Variants in LZTS1 observed in about 807,000 individuals in gnomAD.
The protein encoded by LZTS1 is leucine zipper tumor suppressor 1.
LZTS1 carries 31 observed loss-of-function variants against 45.8 expected under a neutral mutation model. The ratio of observed to expected loss-of-function variants is 0.68; its 90% confidence interval spans 0.51 to 0.91. The LOEUF is 0.91. Among genes scored for constraint, LZTS1 ranks in the 40% least tolerant of loss-of-function variants. LZTS1 has a pLI of 0.00. For synonymous variants in LZTS1, 359 were observed against 357.3 expected, an observed-to-expected ratio of 1.00 and a Z score of -0.05; for missense variants, 821 against 788.9, an observed-to-expected ratio of 1.04 and a Z score of -0.49.
In LZTS1 at chr8:20,267,761, C is replaced by T. The variant is rs181359137; in HGVS notation, c.-134-12446G>A. Among the ~76,000 whole-genome samples the T allele has an allele frequency of 1.0e-3, 158 of 152,232 alleles. 2 individuals carry two copies. The highest frequency in any genetic ancestry group is 3.4e-3 in the African/African-American group (143 of 41,538). On this transcript the variant is annotated intron_variant, in intron 1 of 3. Coordinates refer to ENST00000381569, the MANE Select transcript of LZTS1 (RefSeq NM_021020.5). ...CGATCTCTTGACCTCATGATCCACCCGACTCGGACTCCCAAAGTGCTGGGA... is the reference window on the plus strand; with the variant it reads ...CGATCTCTTGACCTCATGATCCACCTGACTCGGACTCCCAAAGTGCTGGGA...
rs1156439370 is a variant in LZTS1 at position 20,251,112 on chromosome 8, TATATATATATATATA to T, written c.1150-764_1150-750del. Among the ~76,000 whole-genome samples the T allele has an allele frequency of 1.7e-3, 150 of 88,730 alleles. 6 individuals are homozygous for T. The South Asian group carries it at 0.027, about 16-fold the overall frequency. The allele number at this position is 88,730 out of a possible 152,430, so 58.2% of individuals were successfully genotyped here. A position where few individuals can be genotyped will look rare whatever the true frequency, so the allele number is the denominator to read the frequency against. On this transcript the variant is annotated intron_variant, in intron 3 of 3. Coordinates refer to ENST00000381569, the MANE Select transcript of LZTS1 (RefSeq NM_021020.5). ...GCCTGAGGGCTAATATATATATATA[TATATATATATATATA>T]TATATATATATATATATATATAAAA...
intron 1 of LZTS1, among the ~76,000 whole-genome samples, chr8:20,278,413 G>A (rs1376955152): frequency 2.0e-5 from 3 of 152,190 alleles, no homozygotes; most frequent in Non-Finnish European, 2.9e-5. Context: ...CACCCAAAGG[G>A]AAGAATCAGG....
intron 1 of LZTS1, among the ~76,000 whole-genome samples, chr8:20,270,752 C>T (rs1177073604): frequency 2.0e-5 from 3 of 151,912 alleles, no homozygotes; most frequent in African/African-American, 7.3e-5. Context: ...TTACCCCTCA[C>T]CCCTACTTCA....
Position 20,249,586 on chromosome 8 carries a change from C to T in LZTS1, c.*136G>A. 2 of 1,106,476 alleles carry T rather than the reference C, an allele frequency of 1.8e-6. No homozygotes were observed. The highest frequency in any genetic ancestry group is 2.5e-6 in the Non-Finnish European group (2 of 792,820). The allele number at this position is 1,106,476 out of a possible 1,614,324, so 68.5% of individuals were successfully genotyped here. A position where few individuals can be genotyped will look rare whatever the true frequency, so the allele number is the denominator to read the frequency against. Reference sequence around the variant, plus strand: ...AGGGAAGGAAAGGCCATCCTGCCCTCCCCTCGGGGGTCCTGGGTCTGTGTC... The same window carrying T: ...AGGGAAGGAAAGGCCATCCTGCCCTTCCCTCGGGGGTCCTGGGTCTGTGTC... On this transcript the variant is annotated 3_prime_UTR_variant, in exon 4 of 4. Coordinates refer to ENST00000381569, the MANE Select transcript of LZTS1 (RefSeq NM_021020.5).
intron 1 of LZTS1, among the ~76,000 whole-genome samples, chr8:20,280,021 A>T (rs57954503): frequency 0.041 from 6,140 of 151,506 alleles, 420 homozygotes; most frequent in African/African-American, 0.14. Flanking sequence ...TCTTTTCCTG[A>T]TTTCACTTCC....
intron 1 of LZTS1, among the ~76,000 whole-genome samples, chr8:20,299,902 T>C (rs766915328): frequency 2.0e-5 from 3 of 152,226 alleles, no homozygotes; most frequent in Non-Finnish European, 4.4e-5. Flanking sequence ...CCCCACGTAG[T>C]TGGATACTTC....
At chr8:20,274,184 G>A (rs1800529300) in intron 1 of LZTS1, among the ~76,000 whole-genome samples, 1 of 152,180 alleles carries the variant, frequency 6.6e-6, no homozygotes, top group African/African-American at 2.4e-5. Context: ...TGGCAAGACT[G>A]TTTTTCACCC....
chr8:20,291,968 G>A (rs1241430978), intron 1 of LZTS1, among the ~76,000 whole-genome samples: 2 of 152,218 alleles, frequency 1.3e-5, no homozygotes, highest in Admixed American at 6.5e-5. Context: ...AGCCAGGTGA[G>A]GGTGAGTTCC....
chr8:20,288,985 T>TA (rs1800847310), intron 1 of LZTS1, among the ~76,000 whole-genome samples: 2 of 103,782 alleles, frequency 1.9e-5, no homozygotes, highest in Non-Finnish European at 3.7e-5. Flanking sequence ...AAATAGCAGC[T>TA]GGTTTTTTTT....
chr8:20,300,981 C>T (rs911463588), intron 1 of LZTS1, among the ~76,000 whole-genome samples: 4 of 151,926 alleles, frequency 2.6e-5, no homozygotes, highest in Admixed American at 1.3e-4. Flanking sequence ...ATTAGCCAGG[C>T]GTGGTGGCAG....
intron 3 of LZTS1, among the ~76,000 whole-genome samples, chr8:20,252,518 G>A (rs534827764): frequency 5.3e-4 from 80 of 152,316 alleles, no homozygotes; most frequent in African/African-American, 1.8e-3. Context: ...TCTGGCTTCC[G>A]GCTTCATGAT....
At chr8:20,299,183 T>C (rs1801029813) in intron 1 of LZTS1, among the ~76,000 whole-genome samples, 1 of 152,128 alleles carries the variant, frequency 6.6e-6, no homozygotes, top group African/African-American at 2.4e-5. Flanking sequence ...CTGGCTAAGG[T>C]TCTTGGAAGA....
intron 1 of LZTS1, among the ~76,000 whole-genome samples, chr8:20,263,484 T>G (rs927585532): frequency 2.0e-5 from 3 of 152,134 alleles, no homozygotes; most frequent in Admixed American, 2.0e-4. Context: ...TTAAAAACAT[T>G]CATACATCCT....
At chr8:20,297,164 G>A (rs983287500) in intron 1 of LZTS1, among the ~76,000 whole-genome samples, 13 of 152,256 alleles carry the variant, frequency 8.5e-5, no homozygotes, top group East Asian at 1.9e-4. Context: ...AGTTCAGAAC[G>A]TACTTGCTCA....
intron 1 of LZTS1, among the ~76,000 whole-genome samples, chr8:20,280,151 C>G (rs547342953): frequency 1.3e-5 from 2 of 152,090 alleles, no homozygotes; most frequent in African/African-American, 4.8e-5. Flanking sequence ...CACCCCAACC[C>G]CAGATGAGGC....
rs183027079 is a variant in LZTS1 at position 20,266,914 on chromosome 8, C to A, written c.-134-11599G>T. Among the ~76,000 whole-genome samples, 773 of 152,028 alleles carry A rather than the reference C, an allele frequency of 5.1e-3. 8 individuals are homozygous for A. Among genetic ancestry groups the A allele is most frequent in the African/African-American group, 0.018 (747 of 41,436 alleles). ...CCAGAGGTCAGGAGTTCAAGACCAG[C>A]CTGGGCAACATGGTGAAACCCTGTC... is the stretch of plus-strand genomic sequence containing the variant. On this transcript the variant is annotated intron_variant, in intron 1 of 3. Coordinates refer to ENST00000381569, the MANE Select transcript of LZTS1 (RefSeq NM_021020.5).
intron 1 of LZTS1, among the ~76,000 whole-genome samples, chr8:20,302,920 T>A (rs1801106142): frequency 6.6e-6 from 1 of 151,898 alleles, no homozygotes; most frequent in Non-Finnish European, 1.5e-5. Flanking sequence ...AAAAGAGACA[T>A]CACCTGGCCC....
At chr8:20,275,033 A>G (rs1800550517) in intron 1 of LZTS1, among the ~76,000 whole-genome samples, 2 of 150,426 alleles carry the variant, frequency 1.3e-5, no homozygotes, top group Admixed American at 1.3e-4. Context: ...CCTGGAGGGA[A>G]GTCTCTGAAG....
At chr8:20,265,457 G>T (rs1249609690) in intron 1 of LZTS1, among the ~76,000 whole-genome samples, 1 of 151,922 alleles carries the variant, frequency 6.6e-6, no homozygotes, top group African/African-American at 2.4e-5. Context: ...CTTGAGGTCA[G>T]GAGTTCGAGA....
Sources: allele counts gnomAD v4.1 joint callset (sites outside exome capture counted in the v4.1 genomes callset), GRCh38; gene constraint gnomAD v4.1.1; transcripts MANE v1.5; gene names NCBI Gene and HGNC (gene_info 2026-07-23, HGNC 2026-07-21).